R3HDM1: variants seen among roughly 807,000 people sequenced by gnomAD.
R3HDM1 encodes R3H domain containing 1.
In R3HDM1, 46 loss-of-function variants were observed where a neutral mutation model predicts 141.1. The observed-to-expected ratio is 0.33, with a 90% confidence interval of 0.26 to 0.42. R3HDM1 has a LOEUF of 0.42. Among genes scored for constraint, R3HDM1 ranks in the 10% least tolerant of loss-of-function variants. The pLI is 1.00. For missense variants in R3HDM1, 1,184 were observed against 1,368.3 expected (o/e 0.87, Z 2.12); for synonymous variants, 435 against 472.9 (o/e 0.92, Z 1.04).
Position 135,661,461 on chromosome 2 carries a change from T to C in R3HDM1, c.2152+68T>C, listed in dbSNP as rs865779932. 2.1e-5 allele frequency: 32 copies of C among 1,553,534 alleles called. No homozygotes were observed. The Middle Eastern group carries it at 8.4e-4, about 41-fold the overall frequency. On this transcript the variant is annotated intron_variant, in intron 19 of 26. Coordinates refer to ENST00000683871, the MANE Select transcript of R3HDM1 (RefSeq NM_001378107.1). ...TTTCCATCTTCTATTTCAGTGTTGC[T>C]CTTAAGATAGTACCTACTCAGTCTC...
intron 1 of R3HDM1, among the ~76,000 whole-genome samples, chr2:135,541,851 TAAAAAAAA>T (rs10558924): frequency 3.3e-5 from 4 of 121,920 alleles, no homozygotes; most frequent in East Asian, 2.3e-4. Flanking sequence ...TTCAATTTGT[TAAAAAAAA>T]AAAAAAAAAA....
intron 19 of R3HDM1, chr2:135,669,253 T>C (rs747859126): frequency 3.0e-5 from 30 of 985,310 alleles, no homozygotes; most frequent in Non-Finnish European, 3.6e-5. Flanking sequence ...AGAGAGGACA[T>C]TGTGGGCTAA....
At chr2:135,664,045 A>AC (rs2067135561) in intron 19 of R3HDM1, among the ~76,000 whole-genome samples, 1 of 151,862 alleles carries the variant, frequency 6.6e-6, no homozygotes, top group Non-Finnish European at 1.5e-5. Flanking sequence ...AAAAAAAAAA[A>AC]AAAACTTAAC....
chr2:135,692,596 AAAAT>A (rs542037809), intron 21 of R3HDM1, among the ~76,000 whole-genome samples: 4 of 152,222 alleles, frequency 2.6e-5, no homozygotes, highest in Non-Finnish European at 5.9e-5. Context: ...GGTCTCAAAA[AAAAT>A]AAATAAACAT....
At chr2:135,572,445 G>C (rs995902960) in intron 1 of R3HDM1, among the ~76,000 whole-genome samples, 2 of 152,132 alleles carry the variant, frequency 1.3e-5, no homozygotes, top group African/African-American at 4.8e-5. Context: ...TAGCCATCAA[G>C]GAAATGTAAA....
chr2:135,660,887 A>G (rs1224185344), intron 18 of R3HDM1, among the ~76,000 whole-genome samples: 1 of 151,540 alleles, frequency 6.6e-6, no homozygotes, highest in African/African-American at 2.4e-5. Context: ...TAATACATGT[A>G]TGGATAATAG....
intron 1 of R3HDM1, among the ~76,000 whole-genome samples, chr2:135,559,330 T>C (rs1356923656): frequency 6.6e-6 from 1 of 152,134 alleles, no homozygotes; most frequent in East Asian, 1.9e-4. Context: ...TTGCCCAGGC[T>C]AGTCTCAAAT....
At chr2:135,650,597 C>CA in intron 17 of R3HDM1, 1 of 979,368 alleles carries the variant, frequency 1.0e-6, no homozygotes, top group Non-Finnish European at 1.2e-6. Context: ...CTTCTGTTAA[C>CA]AATATTTGAT....
chr2:135,558,467 G>C (rs1233847005), intron 1 of R3HDM1, among the ~76,000 whole-genome samples: 1 of 151,866 alleles, frequency 6.6e-6, no homozygotes, highest in Non-Finnish European at 1.5e-5. Flanking sequence ...TAAAATGAGA[G>C]TAAATATCTT....
Position 135,567,944 on chromosome 2 carries a change from A to T in R3HDM1, c.-249-34556A>T, listed in dbSNP as rs1573896093. 2.6e-5 allele frequency among the ~76,000 whole-genome samples: 3 copies of T among 114,752 alleles called. No individual in the cohort carries two copies. The Admixed American group carries it at 3.2e-4, about 12-fold the overall frequency. The allele number at this position is 114,752 out of a possible 152,430, so 75.3% of individuals were successfully genotyped here. Reference sequence around the variant, plus strand: ...TTTTTTTTTGCAGGGGAGAGATAGGATCTTACTCTTTTGACCAGCCTGGTC... The same window carrying T: ...TTTTTTTTTGCAGGGGAGAGATAGGTTCTTACTCTTTTGACCAGCCTGGTC... On this transcript the variant is annotated intron_variant, in intron 1 of 26. Transcript: ENST00000683871.
In R3HDM1 at chr2:135,661,533, G is replaced by C. The variant is rs114492947; in HGVS notation, c.2152+140G>C. ...TACATATGAGTTTGCAAACCAATGA[G>C]ATTAAAAGAGTGAGCAAATCTTAGC... On this transcript the variant is annotated intron_variant, in intron 19 of 26. Coordinates refer to ENST00000683871, the MANE Select transcript of R3HDM1 (RefSeq NM_001378107.1). 6.8e-4 allele frequency: 735 copies of C among 1,084,850 alleles called. 3 individuals are homozygous for C. The African/African-American group carries it at 0.01, about 15-fold the overall frequency. 67.2% of individuals were successfully genotyped at this position (1,084,850 alleles called of 1,614,324 possible).
At chr2:135,546,452 C>G (rs1270048094) in intron 1 of R3HDM1, among the ~76,000 whole-genome samples, 1 of 152,112 alleles carries the variant, frequency 6.6e-6, no homozygotes, top group South Asian at 2.1e-4. Flanking sequence ...CTCAGTTGTG[C>G]TAAAAAGAGG....
rs538152725 is a variant in R3HDM1 at position 135,667,541 on chromosome 2, T to C, written c.2152+6148T>C. ...AAAGATATAGTGTTTTCCTCTACTT[T>C]CCAGATTAAATTCAGATGTATCACA... is the stretch of plus-strand genomic sequence containing the variant. On this transcript the variant is annotated intron_variant, in intron 19 of 26. Coordinates refer to ENST00000683871, the MANE Select transcript of R3HDM1 (RefSeq NM_001378107.1). The C allele has an allele frequency of 5.8e-6, 4 of 694,286 alleles. No individual in the cohort carries two copies. In the East Asian group the frequency reaches 5.4e-4, roughly 93 times the overall value. The allele number at this position is 694,286 out of a possible 1,614,324, so 43.0% of individuals were successfully genotyped here. A position where few individuals can be genotyped will look rare whatever the true frequency, so the allele number is the denominator to read the frequency against.
At chr2:135,550,899 A>AT (rs1699718731) in intron 1 of R3HDM1, among the ~76,000 whole-genome samples, 1 of 152,212 alleles carries the variant, frequency 6.6e-6, no homozygotes, top group East Asian at 1.9e-4. Context: ...GCATACTACA[A>AT]TTATACTTCG....
chr2:135,547,975 T>C (rs1346353663), intron 1 of R3HDM1, among the ~76,000 whole-genome samples: 1 of 152,050 alleles, frequency 6.6e-6, no homozygotes, highest in African/African-American at 2.4e-5. Flanking sequence ...GGTTTCACCA[T>C]GTTGGACAGG....
intron 1 of R3HDM1, among the ~76,000 whole-genome samples, chr2:135,538,178 A>G (rs1696643159): frequency 6.6e-6 from 1 of 152,242 alleles, no homozygotes; most frequent in Admixed American, 6.5e-5. Context: ...GTATGCTACT[A>G]TACTAAATAC....
chr2:135,640,110 A>AG (rs1477022741), intron 14 of R3HDM1, among the ~76,000 whole-genome samples: 1 of 152,142 alleles, frequency 6.6e-6, no homozygotes, highest in African/African-American at 2.4e-5. Flanking sequence ...AAAAAAAAAA[A>AG]AAAAGGAAAA....
At chr2:135,661,237 A>C in intron 18 of R3HDM1, 33 bp from the exon 19 acceptor site, 1 of 1,612,042 alleles carries the variant, frequency 6.2e-7, no homozygotes, top group South Asian at 1.1e-5. Flanking sequence ...TGCAAGTAAA[A>C]TTGATTTTTT....
intron 2 of R3HDM1, among the ~76,000 whole-genome samples, chr2:135,603,530 T>C (rs1483923203): frequency 6.6e-6 from 1 of 152,182 alleles, no homozygotes; most frequent in Non-Finnish European, 1.5e-5. Context: ...TATCCCTCTA[T>C]ATATCAATCT....
Sources: gnomAD v4.1 joint callset for allele counts (sites outside exome capture counted in the v4.1 genomes callset) on GRCh38, gnomAD v4.1.1 for gene constraint, MANE v1.5 for transcripts, NCBI Gene and HGNC (gene_info 2026-07-23, HGNC 2026-07-21) for gene names.